Variants in ROBO2 observed in about 807,000 individuals in gnomAD.
ROBO2 encodes roundabout homolog 2.
In ROBO2, 53 loss-of-function variants were observed where a neutral mutation model predicts 160.8. The ratio of observed to expected loss-of-function variants is 0.33; its 90% confidence interval spans 0.26 to 0.41. The LOEUF (loss-of-function observed/expected upper bound fraction) is 0.41. ROBO2 is among the 10% of genes least tolerant of loss of function. The probability of loss-of-function intolerance (pLI) is 1.00; values close to 1 mark genes in which losing one functional copy is unlikely to be tolerated. For missense variants in ROBO2, 1,577 were observed against 1,722.4 expected (o/e 0.92, Z 1.49); for synonymous variants, 664 against 611.7 (o/e 1.09, Z -1.26).
intron 2 of ROBO2, among the ~76,000 whole-genome samples, chr3:76,122,496 G>A (rs1049139201): frequency 4.6e-5 from 7 of 152,204 alleles, no homozygotes; most frequent in African/African-American, 1.7e-4. Flanking sequence ...ATGATAGAAA[G>A]ATGCATTTTT....
chr3:77,642,570 G>A (rs1192572480), intron 24 of ROBO2, 101 bp from the exon 26 acceptor site: 1 of 378,184 alleles, frequency 2.6e-6, no homozygotes, highest in Admixed American at 3.6e-5. Context: ...TTTTTGTATG[G>A]GTAATACCTG....
chr3:76,920,417 G>A (rs1243070612), intron 2 of ROBO2, among the ~76,000 whole-genome samples: 1 of 152,174 alleles, frequency 6.6e-6, no homozygotes, highest in East Asian at 1.9e-4. Flanking sequence ...GGGGTCAGCA[G>A]AAACAGCTAA....
At position 77,058,696 on chromosome 3, in the gene ROBO2, AT is replaced by A. The variant is rs547180956; in HGVS notation, c.61+17863del. Among the ~76,000 whole-genome samples the A allele has an allele frequency of 2.9e-3, 417 of 142,208 alleles. 1 individual carries two copies. The highest frequency in any genetic ancestry group is 5.3e-3 in the African/African-American group (205 of 38,964). The allele number at this position is 142,208 out of a possible 152,430, so 93.3% of individuals were successfully genotyped here. A position where few individuals can be genotyped will look rare whatever the true frequency, so the allele number is the denominator to read the frequency against. On this transcript the variant is annotated intron_variant, in intron 1 of 25. Transcript: ENST00000461745. ...AGGCCTGCACCACCACACTTGGGTAATTTTTTTTTTTTTGTATTTTTTGTAG... is the reference window on the plus strand; with the variant it reads ...AGGCCTGCACCACCACACTTGGGTAATTTTTTTTTTTTGTATTTTTTGTAG...
chr3:76,137,234 G>A (rs529003017), intron 2 of ROBO2, among the ~76,000 whole-genome samples: 80 of 151,698 alleles, frequency 5.3e-4, no homozygotes, highest in Non-Finnish European at 1.0e-3. Flanking sequence ...TAATATTTTT[G>A]TATCACTCCA....
At chr3:76,897,346 C>G (rs894148885) in intron 2 of ROBO2, among the ~76,000 whole-genome samples, 1 of 152,020 alleles carries the variant, frequency 6.6e-6, no homozygotes, top group Admixed American at 6.6e-5. Flanking sequence ...CTTTGGAGCA[C>G]CCCCAGTGCA....
At chr3:77,379,601 G>A (rs527602671) in intron 2 of ROBO2, among the ~76,000 whole-genome samples, 14 of 152,226 alleles carry the variant, frequency 9.2e-5, no homozygotes, top group African/African-American at 2.4e-4. Context: ...TTTGTACGTC[G>A]TTTGTTCAGA....
At chr3:76,956,479 T>C (rs1577817685) in intron 2 of ROBO2, among the ~76,000 whole-genome samples, 1 of 148,412 alleles carries the variant, frequency 6.7e-6, no homozygotes, top group Non-Finnish European at 1.5e-5. Context: ...ATGGCGTGAA[T>C]CCAGGAGGCA....
In ROBO2 at chr3:77,208,358, A is replaced by G. The variant is rs894614701; in HGVS notation, c.388+110018A>G. On this transcript the variant is annotated intron_variant, in intron 2 of 25. Transcript: ENST00000461745. ...CAATTGATTAGGCTCTATGTTACAT[A>G]GATACATCATAAATTGCTTTTATAA... is the stretch of plus-strand genomic sequence containing the variant. 2.0e-5 allele frequency among the ~76,000 whole-genome samples: 3 copies of G among 152,346 alleles called. No homozygotes were observed. The South Asian group carries it at 6.2e-4, about 32-fold the overall frequency.
At chr3:76,949,397 C>A (rs1324961477) in intron 2 of ROBO2, among the ~76,000 whole-genome samples, 1 of 152,128 alleles carries the variant, frequency 6.6e-6, no homozygotes, top group African/African-American at 2.4e-5. Flanking sequence ...CTTGACTTAT[C>A]CTGACTGAAG....
exon 7 of ROBO2, chr3:77,546,338 C>G (rs1397117540): frequency 6.2e-7 from 1 of 1,612,960 alleles, no homozygotes; most frequent in Admixed American, 1.7e-5. Context: ...TAAATTATAG[C>G]TCCCCCACAG....
chr3:75,994,339 G>A (rs1020827460), intron 2 of ROBO2, among the ~76,000 whole-genome samples: 1 of 152,170 alleles, frequency 6.6e-6, no homozygotes, highest in Non-Finnish European at 1.5e-5. Flanking sequence ...TGGTTTGGCT[G>A]TGGCGCCATC....
At chr3:77,570,855 G>A (rs1353077188) in intron 13 of ROBO2, among the ~76,000 whole-genome samples, 1 of 151,982 alleles carries the variant, frequency 6.6e-6, no homozygotes, top group Non-Finnish European at 1.5e-5. Context: ...TTTCCCAGTG[G>A]TTGGCAGGAT....
chr3:77,226,465 T>C (rs949600485), intron 2 of ROBO2, among the ~76,000 whole-genome samples: 2 of 152,018 alleles, frequency 1.3e-5, no homozygotes, highest in South Asian at 4.1e-4. Context: ...TGGCTTAGAG[T>C]TGCTGGTAGA....
chr3:77,647,232 A>C (rs1583499987), exon 26 of ROBO2: 1 of 152,260 alleles, frequency 6.6e-6, no homozygotes, highest in Non-Finnish European at 1.5e-5. Context: ...TACAGTTTAT[A>C]TACAACTTGT....
chr3:76,359,977 A>G (rs1443167855), intron 2 of ROBO2, among the ~76,000 whole-genome samples: 2 of 152,072 alleles, frequency 1.3e-5, no homozygotes, highest in African/African-American at 4.8e-5. Flanking sequence ...CATGCAGCTT[A>G]TGAATTTATG....
intron 2 of ROBO2, among the ~76,000 whole-genome samples, chr3:77,464,788 T>A (rs1487630987): frequency 3.3e-5 from 5 of 152,306 alleles, no homozygotes; most frequent in East Asian, 3.9e-4. Flanking sequence ...TATCCAGCAC[T>A]TTTATCAACT....
intron 2 of ROBO2, among the ~76,000 whole-genome samples, chr3:76,797,361 GA>G (rs1178954488): frequency 6.6e-6 from 1 of 151,780 alleles, no homozygotes; most frequent in East Asian, 1.9e-4. Flanking sequence ...AAGAAATTAA[GA>G]AAAAAATTTA....
intron 2 of ROBO2, among the ~76,000 whole-genome samples, chr3:76,530,888 T>G (rs2082189101): frequency 6.6e-6 from 1 of 152,192 alleles, no homozygotes; most frequent in Non-Finnish European, 1.5e-5. Flanking sequence ...TTACCTTCAT[T>G]TCCCTTCGTG....
At chr3:77,174,422 T>G (rs539121259) in intron 2 of ROBO2, among the ~76,000 whole-genome samples, 3 of 152,034 alleles carry the variant, frequency 2.0e-5, no homozygotes, top group Admixed American at 6.6e-5. Context: ...ATGAAAAACA[T>G]TGAAGCCAAT....
Sources: allele counts gnomAD v4.1 joint callset (sites outside exome capture counted in the v4.1 genomes callset), GRCh38; gene constraint gnomAD v4.1.1; transcripts MANE v1.5; gene names NCBI Gene and HGNC (gene_info 2026-07-23, HGNC 2026-07-21).